Variants in BICRAL observed in about 807,000 individuals in gnomAD.
The protein encoded by BICRAL is BRD4-interacting chromatin-remodeling complex-associated protein-like.
BICRAL carries 8 observed loss-of-function variants against 91.8 expected under a neutral mutation model. The ratio of observed to expected loss-of-function variants is 0.09; its 90% confidence interval spans 0.05 to 0.16. The LOEUF is 0.16. Among genes scored for constraint, BICRAL ranks in the 10% least tolerant of loss-of-function variants. The pLI is 1.00. For synonymous variants in BICRAL, 445 were observed against 491.1 expected, an observed-to-expected ratio of 0.91 and a Z score of 1.24; for missense variants, 1,038 against 1,310.9, an observed-to-expected ratio of 0.79 and a Z score of 3.21.
rs34620093 is a variant in BICRAL at position 42,808,679 on chromosome 6, TG to T, written c.-101-1622del. Among the ~76,000 whole-genome samples the T allele has an allele frequency of 7.1e-3, 1,086 of 152,152 alleles. 6 individuals are homozygous for T. Among genetic ancestry groups the T allele is most frequent in the African/African-American group, 0.023 (959 of 41,496 alleles). ...GAGCTACTCAGCTGAAGGGTGTGTG[TG>T]GGGGAGAGATGGGAGTGTGAAGAGT... On this transcript the variant is annotated intron_variant, in intron 1 of 12. Transcript: ENST00000314073.
intron 6 of BICRAL, among the ~76,000 whole-genome samples, chr6:42,849,854 C>A (rs1765124931): frequency 1.3e-5 from 2 of 151,844 alleles, no homozygotes; most frequent in Admixed American, 1.3e-4. Context: ...GAGTTCAAGA[C>A]CAGCCTGGGC....
Position 42,864,701 on chromosome 6 carries a change from A to C in BICRAL, c.2495A>C (p.Lys832Thr), listed in dbSNP as rs1459245952. 6.2e-7 allele frequency: 1 copy of C among 1,614,008 alleles called. No individual in the cohort carries two copies. The highest frequency in any genetic ancestry group is 1.3e-5 in the African/African-American group (1 of 74,924). The change falls in exon 13 of 13, where the codon AAA becomes ACA. Residue 832 changes from lysine (K) to threonine (T), a missense_variant. By Grantham distance (78) the Lys-to-Thr change is moderately conservative. Transcript: ENST00000314073. ...ADFCCSFKLD[K>T]AAHETQFGRS... ...TTCTGTTGTTCCTTCAAACTTGATA[A>C]AGCTGCTCATGAGACACAGTTTGGC...
Position 42,829,178 on chromosome 6 carries a change from T to A in BICRAL, c.845T>A (p.Phe282Tyr). The A allele has an allele frequency of 1.2e-6, 2 of 1,614,170 alleles. No individual in the cohort carries two copies. The highest frequency in any genetic ancestry group is 1.7e-6 in the Non-Finnish European group (2 of 1,180,012). ...GTAGCACAGCCTGTTACCGTTCCATTTAACAGCACAAATTTTCAAACATCT... is the reference window on the plus strand; with the variant it reads ...GTAGCACAGCCTGTTACCGTTCCATATAACAGCACAAATTTTCAAACATCT... The part of the protein sequence containing the change: ...SPVAQPVTVP[F>Y]NSTNFQTSLP... Residue 282 changes from phenylalanine (F) to tyrosine (Y), a missense_variant, in exon 6 of 13, where the codon TTT becomes TAT. This residue lies in a region of BICRAL where 532 missense variants were observed against 724.9 expected (regional missense o/e 0.73). Transcript: ENST00000314073.
chr6:42,860,724 AT>A (rs1357140607), intron 11 of BICRAL, among the ~76,000 whole-genome samples: 1 of 152,216 alleles, frequency 6.6e-6, no homozygotes, highest in East Asian at 1.9e-4. Flanking sequence ...CAACCCAGAG[AT>A]GTGGGAGAAG....
At chr6:42,792,237 A>G (rs1562463923) in intron 1 of BICRAL, among the ~76,000 whole-genome samples, 2 of 152,194 alleles carry the variant, frequency 1.3e-5, no homozygotes, top group South Asian at 2.1e-4. Flanking sequence ...TTCCTCAATA[A>G]TAAGCTTAGC....
At chr6:42,850,704 T>G (rs1234749302) in intron 6 of BICRAL, among the ~76,000 whole-genome samples, 1 of 151,488 alleles carries the variant, frequency 6.6e-6, no homozygotes, top group African/African-American at 2.4e-5. Context: ...ACCAACATGG[T>G]GAAACTCCAT....
intron 6 of BICRAL, among the ~76,000 whole-genome samples, chr6:42,845,237 T>G (rs1764969383): frequency 1.1e-5 from 1 of 88,300 alleles, no homozygotes; most frequent in African/African-American, 5.2e-5. Context: ...TTTTTTTTTT[T>G]TTTTTTTTTT....
intron 1 of BICRAL, among the ~76,000 whole-genome samples, chr6:42,772,776 C>T (rs1334832095): frequency 1.3e-5 from 2 of 151,952 alleles, no homozygotes; most frequent in Admixed American, 6.6e-5. Flanking sequence ...AAGCAATAGG[C>T]GGACCTGAAT....
In BICRAL at chr6:42,828,951, G is replaced by A. The variant is rs1475104491; in HGVS notation, c.618G>A (p.Gln206=). 1.9e-6 allele frequency: 3 copies of A among 1,614,058 alleles called. No homozygotes were observed. In the African/African-American group the frequency reaches 4.0e-5, roughly 22 times the overall value. Reference sequence around the variant, plus strand: ...GCCAGCATTTGTCTAATAGCAGTCAGATTAGTGGTTCTGGTCAAATACAGT... The same window carrying A: ...GCCAGCATTTGTCTAATAGCAGTCAAATTAGTGGTTCTGGTCAAATACAGT... The part of the protein sequence containing the change: ...VPSQHLSNSS[Q]ISGSGQIQLI... The change falls in exon 6 of 13, where the codon CAG becomes CAA. Residue 206 remains glutamine (Q), a synonymous_variant. Transcript: ENST00000314073.
At chr6:42,761,300 A>G (rs1762544009) in intron 1 of BICRAL, among the ~76,000 whole-genome samples, 1 of 151,896 alleles carries the variant, frequency 6.6e-6, no homozygotes, top group African/African-American at 2.4e-5. Flanking sequence ...TACTAAAAGT[A>G]GAAAAATTAG....
intron 5 of BICRAL, among the ~76,000 whole-genome samples, chr6:42,826,935 C>T (rs1166440684): frequency 2.0e-5 from 3 of 152,146 alleles, no homozygotes; most frequent in East Asian, 1.9e-4. Context: ...TACAGGCATG[C>T]GCCACCACCC....
upstream of BICRAL, among the ~76,000 whole-genome samples, chr6:42,779,621 A>T (rs1240658753): frequency 6.6e-6 from 1 of 152,220 alleles, no homozygotes; most frequent in Non-Finnish European, 1.5e-5. Context: ...AATATAAAGC[A>T]TACATTATGA....
At position 42,807,169 on chromosome 6, in the gene BICRAL, A is replaced by G. The variant is rs145979529; in HGVS notation, c.-101-3137A>G. Among the ~76,000 whole-genome samples, 679 of 151,390 alleles carry G rather than the reference A, an allele frequency of 4.5e-3. 5 individuals carry two copies. The highest frequency in any genetic ancestry group is 0.016 in the African/African-American group (646 of 41,256). ...ATAACCAACTCCAGTTCATATTATT[A>G]TTATTATTTATTTATGTATTTAGTT... On this transcript the variant is annotated intron_variant, in intron 1 of 12. Coordinates refer to ENST00000314073, the MANE Select transcript of BICRAL (RefSeq NM_001393499.1).
chr6:42,837,509 T>C (rs990680229), intron 6 of BICRAL, among the ~76,000 whole-genome samples: 2 of 151,412 alleles, frequency 1.3e-5, no homozygotes, highest in Non-Finnish European at 2.9e-5. Context: ...CGCAGCACTT[T>C]GGGAGGCCGA....
chr6:42,772,680 G>A (rs1260780350), intron 1 of BICRAL, among the ~76,000 whole-genome samples: 4 of 152,134 alleles, frequency 2.6e-5, no homozygotes, highest in South Asian at 2.1e-4. Flanking sequence ...AGGCAGTGAG[G>A]TGCTGATGAA....
intron 1 of BICRAL, among the ~76,000 whole-genome samples, chr6:42,783,561 C>T (rs909954789): frequency 1.3e-5 from 2 of 152,100 alleles, no homozygotes; most frequent in Non-Finnish European, 2.9e-5. Context: ...TCTCGATGAC[C>T]AGGGCGCCGC....
intron 6 of BICRAL, among the ~76,000 whole-genome samples, chr6:42,847,507 G>A (rs919058135): frequency 6.6e-6 from 1 of 152,186 alleles, no homozygotes; most frequent in African/African-American, 2.4e-5. Context: ...GCCAGGCACG[G>A]TGGCTCACGC....
At chr6:42,835,264 G>C (rs1764606766) in intron 6 of BICRAL, among the ~76,000 whole-genome samples, 2 of 152,122 alleles carry the variant, frequency 1.3e-5, no homozygotes, top group Admixed American at 1.3e-4. Context: ...AAGTAGCTGG[G>C]ATTACAGGCG....
chr6:42,846,989 C>G (rs1421062723), intron 6 of BICRAL, among the ~76,000 whole-genome samples: 1 of 152,222 alleles, frequency 6.6e-6, no homozygotes, highest in Non-Finnish European at 1.5e-5. Context: ...ATGAGTTAGG[C>G]TTGGTGGCTT....
Sources: allele counts gnomAD v4.1 joint callset (sites outside exome capture counted in the v4.1 genomes callset), GRCh38; gene constraint gnomAD v4.1.1; regional missense constraint gnomAD v4.1.1; transcripts MANE v1.5; gene names NCBI Gene and HGNC (gene_info 2026-07-23, HGNC 2026-07-21).